Variants in ARSG observed in about 807,000 individuals in gnomAD.
The protein encoded by ARSG is ASG.
Under a neutral mutation model 50.5 loss-of-function variants are expected in ARSG, and 37 were observed. The ratio of observed to expected loss-of-function variants is 0.73; its 90% CI spans 0.56 to 0.96. The LOEUF is 0.96. Ranked by LOEUF, ARSG falls within the 50% of genes least tolerant of loss-of-function variation. The pLI is 0.00. For synonymous variants in ARSG, 225 were observed against 254.6 expected (o/e 0.88, Z 1.11); for missense variants, 629 against 675.3 (o/e 0.93, Z 0.76).
At chr17:68,270,809 A>C in intron 1 of ARSG, 1 of 1,535,760 alleles carries the variant, frequency 6.5e-7, no homozygotes, top group Non-Finnish European at 8.8e-7. Context: ...GAAAGTAGAC[A>C]AGTGTTTGTA....
intron 5 of ARSG, among the ~76,000 whole-genome samples, chr17:68,352,142 GGAGAGA>G (rs200912330): frequency 3.6e-5 from 3 of 84,086 alleles, no homozygotes; most frequent in East Asian, 4.9e-4. Flanking sequence ...GAGAGACAGA[GGAGAGA>G]GAGAGAGAGA....
At chr17:68,371,531 C>T (rs1340235354) in intron 8 of ARSG, among the ~76,000 whole-genome samples, 1 of 152,154 alleles carries the variant, frequency 6.6e-6, no homozygotes, top group Non-Finnish European at 1.5e-5. Context: ...GAGAGCTTTG[C>T]CACAAGGACC....
intron 8 of ARSG, among the ~76,000 whole-genome samples, chr17:68,375,071 A>G (rs2080079018): frequency 6.6e-6 from 1 of 152,142 alleles, no homozygotes; most frequent in South Asian, 2.1e-4. Context: ...AAGGAATAAT[A>G]GTCTAGAATA....
chr17:68,279,952 C>T lies in ARSG; in HGVS notation c.-552+20526C>T, dbSNP rs370431364. ...ATCCCAGCACTTTGGGAGGCCAAAG[C>T]GGGTGGATCACCTGAGGTCAGGAGT... On this transcript the variant is annotated intron_variant, in intron 1 of 11. Transcript: ENST00000448504. Among the ~76,000 whole-genome samples the T allele has an allele frequency of 1.7e-4, 26 of 152,106 alleles. No homozygotes were observed. In the East Asian group the frequency reaches 2.7e-3, roughly 16 times the overall value.
chr17:68,287,236 T>C (rs188490523), upstream of ARSG, among the ~76,000 whole-genome samples: 61 of 152,272 alleles, frequency 4.0e-4, no homozygotes, highest in African/African-American at 1.1e-3. Context: ...TGCTTTGGCC[T>C]CCCAAAGTGA....
chr17:68,412,245 G>A (rs1431050850), intron 11 of ARSG, among the ~76,000 whole-genome samples: 4 of 152,148 alleles, frequency 2.6e-5, no homozygotes, highest in Admixed American at 2.0e-4. Context: ...GCATGATTTT[G>A]CAGTGGCTGG....
intron 1 of ARSG, among the ~76,000 whole-genome samples, chr17:68,299,897 CA>C (rs2076349751): frequency 6.7e-6 from 1 of 149,518 alleles, no homozygotes; most frequent in African/African-American, 2.5e-5. Context: ...AGAATTGTAC[CA>C]AAATACTTCT....
the ARSG span, among the ~76,000 whole-genome samples, chr17:68,432,504 T>G: frequency 6.6e-6 from 1 of 152,190 alleles, no homozygotes; most frequent in Non-Finnish European, 1.5e-5. Flanking sequence ...GTCCCAGCAC[T>G]TTGGGAGGTT....
At chr17:68,265,771 T>C (rs2144874144) in intron 1 of ARSG, among the ~76,000 whole-genome samples, 1 of 151,496 alleles carries the variant, frequency 6.6e-6, no homozygotes, top group East Asian at 1.9e-4. Context: ...TTTTTTAACA[T>C]TTTTATGTGA....
intron 2 of ARSG, among the ~76,000 whole-genome samples, chr17:68,331,261 CTTTT>C (rs1227199121): frequency 9.3e-6 from 1 of 107,528 alleles, no homozygotes; most frequent in Non-Finnish European, 2.1e-5. Context: ...TTCTTTCTTT[CTTTT>C]TTTGAGACAG....
intron 6 of ARSG, among the ~76,000 whole-genome samples, chr17:68,364,353 T>G (rs2079440208): frequency 6.6e-6 from 1 of 152,056 alleles, no homozygotes; most frequent in Non-Finnish European, 1.5e-5. Context: ...ATAACCTGTT[T>G]TTTGTTGTTG....
chr17:68,338,819 C>T (rs1599780772), intron 2 of ARSG, among the ~76,000 whole-genome samples: 1 of 152,208 alleles, frequency 6.6e-6, no homozygotes, highest in Admixed American at 6.5e-5. Flanking sequence ...AAAATGGAAA[C>T]GACCTCCTTG....
chr17:68,272,503 G>T lies in ARSG; in HGVS notation c.-552+13077G>T, dbSNP rs576912207. 2.3e-5 allele frequency: 23 copies of T among 1,021,250 alleles called. 1 individual carries two copies. The East Asian group carries it at 5.8e-4, about 26-fold the overall frequency. 63.3% of individuals were successfully genotyped at this position (1,021,250 alleles called of 1,614,324 possible). A position where few individuals can be genotyped will look rare whatever the true frequency, so the allele number is the denominator to read the frequency against. On this transcript the variant is annotated intron_variant, in intron 1 of 11. Transcript: ENST00000448504. ...GAGGACAGATCCTAAAAATGAGCTG[G>T]AGAAGAGACGTAAATAACGTCTCAT...
chr17:68,385,214 A>C, intron 9 of ARSG, 42 bp downstream of exon 9: 3 of 1,580,788 alleles, frequency 1.9e-6, no homozygotes, highest in Non-Finnish European at 2.6e-6. Context: ...GGCCCAGAGC[A>C]AGAAAAGTCA....
At chr17:68,357,305 T>C (rs36074597) in intron 6 of ARSG, among the ~76,000 whole-genome samples, 16,899 of 152,228 alleles carry the variant, frequency 0.11, 1,225 homozygotes, top group East Asian at 0.17. Context: ...AATCAAGGCA[T>C]CAGCAGGACT....
At chr17:68,432,576 T>C in the ARSG span, among the ~76,000 whole-genome samples, 1 of 151,812 alleles carries the variant, frequency 6.6e-6, no homozygotes, top group Non-Finnish European at 1.5e-5. Context: ...GCCTCTGTCA[T>C]GTATGTGTTA....
the ARSG span, among the ~76,000 whole-genome samples, chr17:68,431,647 T>C: frequency 3.3e-5 from 1 of 30,592 alleles, no homozygotes. Context: ...AGACCAAATG[T>C]AAGAGTAACG....
the ARSG span, chr17:68,430,204 C>G: frequency 1.3e-6 from 2 of 1,557,450 alleles, no homozygotes; most frequent in Non-Finnish European, 1.7e-6. Flanking sequence ...GGCTGCAGGC[C>G]CCACACGCAC....
At chr17:68,416,081 T>G (rs2082349701) in intron 11 of ARSG, among the ~76,000 whole-genome samples, 1 of 152,118 alleles carries the variant, frequency 6.6e-6, no homozygotes, top group South Asian at 2.1e-4. Flanking sequence ...TGTGCCTTGG[T>G]TTTTTTGTTT....
Sources: gnomAD v4.1 joint callset for allele counts (sites outside exome capture counted in the v4.1 genomes callset) on GRCh38, gnomAD v4.1.1 for gene constraint, MANE v1.5 for transcripts, NCBI Gene and HGNC (gene_info 2026-07-23, HGNC 2026-07-21) for gene names.